The following FAAH2 variants were observed in gnomAD, a reference collection of about 807,000 sequenced individuals.
FAAH2 encodes fatty-acid amide hydrolase 2.
Under a neutral mutation model 36.9 loss-of-function variants are expected in FAAH2, and 60 were observed. The observed-to-expected ratio is 1.63, with a 90% CI of 1.32 to 2.02. The LOEUF (loss-of-function observed/expected upper bound fraction) is 2.02, where lower values mean the gene tolerates loss of function less well. Ranked by LOEUF, FAAH2 falls within the 30% of genes most tolerant of loss-of-function variation. The pLI, the probability that FAAH2 is intolerant of heterozygous loss-of-function variation, is 0.00. For synonymous variants in FAAH2, 214 were observed against 143.8 expected (o/e 1.49, Z -3.49); for missense variants, 689 against 397.5 (o/e 1.73, Z -6.23).
At chrX:57,289,518 G>A (rs1209579640) in intron 1 of FAAH2, among the ~76,000 whole-genome samples, 1 of 110,866 alleles carries the variant, frequency 9.0e-6, no homozygotes, top group Non-Finnish European at 1.9e-5. Context: ...TTTTGAAACC[G>A]TAAGTCCCAC....
chrX:57,232,592 T>C, the FAAH2 span, among the ~76,000 whole-genome samples: 1 of 112,485 alleles, frequency 8.9e-6, no homozygotes, highest in South Asian at 3.7e-4. Context: ...TTATGATGTT[T>C]CCAGTTATTT....
At chrX:57,269,306 G>A in the FAAH2 span, among the ~76,000 whole-genome samples, 2 of 111,281 alleles carry the variant, frequency 1.8e-5, no homozygotes, top group Non-Finnish European at 3.8e-5. Flanking sequence ...GACAATATTA[G>A]ACAGATTATT....
chrX:57,194,238 G>A, the FAAH2 span, among the ~76,000 whole-genome samples: 9 of 111,132 alleles, frequency 8.1e-5, no homozygotes, highest in African/African-American at 9.8e-5. Flanking sequence ...GATTTATTCC[G>A]GGTTCAATCT....
chrX:57,154,582 C>G, the FAAH2 span, among the ~76,000 whole-genome samples: 2 of 110,303 alleles, frequency 1.8e-5, no homozygotes, highest in African/African-American at 6.6e-5. Flanking sequence ...CTTGTTGTAT[C>G]TTTTTATTTT....
chrX:57,420,755 A>T (rs1206200437), intron 7 of FAAH2, among the ~76,000 whole-genome samples: 1 of 107,715 alleles, frequency 9.3e-6, no homozygotes, highest in Non-Finnish European at 1.9e-5. Context: ...TTCCAACACT[A>T]TGTTGAATAG....
intron 2 of FAAH2, among the ~76,000 whole-genome samples, chrX:57,307,604 CAA>C (rs2052577759): frequency 9.0e-6 from 1 of 111,152 alleles, no homozygotes; most frequent in East Asian, 2.8e-4. Flanking sequence ...AAAATACTTT[CAA>C]CATATTGCAT....
intron 8 of FAAH2, among the ~76,000 whole-genome samples, chrX:57,437,352 C>T (rs900243431): frequency 9.1e-6 from 1 of 110,415 alleles, no homozygotes; most frequent in South Asian, 3.8e-4. Context: ...CACTCCTATT[C>T]AACACAGTAC....
rs747426561 is a variant in FAAH2 at position 57,331,666 on chromosome X, G to A, written c.481G>A (p.Ala161Thr). 114 of 1,209,884 alleles carry A rather than the reference G, an allele frequency of 9.4e-5. No homozygotes were observed. In the East Asian group the frequency reaches 1.4e-3, roughly 15 times the overall value. ...TGCCAAAACAGATGCCACTGTGGTG[G>A]CATTACTGAAGGGAGCTGGTGCCAT... ...AIAKTDATVV[A>T]LLKGAGAIPL... Residue 161 changes from alanine to threonine, a missense_variant, in exon 4 of 11, where the codon GCA (alanine) becomes ACA (threonine). Ala to Thr is a moderately conservative substitution (Grantham distance 58, BLOSUM62 0). Transcript: ENST00000374900.
chrX:57,310,497 T>C, intron 2 of FAAH2, 96 bp from the exon 3 acceptor site: 21 of 926,323 alleles, frequency 2.3e-5, no homozygotes, highest in Admixed American at 3.6e-5. Flanking sequence ...TTTAATATGT[T>C]GATTACATAT....
At chrX:57,365,946 C>A (rs1033493002) in intron 5 of FAAH2, among the ~76,000 whole-genome samples, 3 of 111,810 alleles carry the variant, frequency 2.7e-5, no homozygotes, top group African/African-American at 6.5e-5. Context: ...AACTCTTGAA[C>A]TATTTTATTG....
At chrX:57,131,970 T>C in the FAAH2 span, among the ~76,000 whole-genome samples, 1 of 112,071 alleles carries the variant, frequency 8.9e-6, no homozygotes, top group African/African-American at 3.2e-5. Context: ...GTGAGTGTGA[T>C]CCCATCACTG....
the FAAH2 span, among the ~76,000 whole-genome samples, chrX:57,164,534 A>C: frequency 1.8e-5 from 2 of 112,196 alleles, no homozygotes; most frequent in Non-Finnish European, 3.8e-5. Flanking sequence ...AAAATTGTGA[A>C]TATGAAATGA....
intron 7 of FAAH2, among the ~76,000 whole-genome samples, chrX:57,388,990 C>G (rs1453915202): frequency 9.2e-6 from 1 of 109,224 alleles, no homozygotes; most frequent in Non-Finnish European, 1.9e-5. Flanking sequence ...CCATTTTTTA[C>G]CTATTTACCT....
intron 7 of FAAH2, among the ~76,000 whole-genome samples, chrX:57,416,724 G>A (rs1011848722): frequency 5.5e-4 from 61 of 111,335 alleles, no homozygotes; most frequent in African/African-American, 2.0e-3. Flanking sequence ...CTCTTTTTGA[G>A]GAGTATCTTT....
chrX:57,484,567 C>A (rs1430585801), intron 10 of FAAH2, among the ~76,000 whole-genome samples: 1 of 112,008 alleles, frequency 8.9e-6, no homozygotes, highest in Admixed American at 9.5e-5. Context: ...GCCTCTCTTG[C>A]AACTCTCCAT....
chrX:57,357,761 T>G (rs1333981567), intron 5 of FAAH2, among the ~76,000 whole-genome samples: 1 of 111,757 alleles, frequency 8.9e-6, no homozygotes, highest in Non-Finnish European at 1.9e-5. Flanking sequence ...GTTCAACCAT[T>G]GTGAAGACAG....
At chrX:57,343,233 C>T (rs761961058) in intron 5 of FAAH2, among the ~76,000 whole-genome samples, 17 of 112,095 alleles carry the variant, frequency 1.5e-4, no homozygotes, top group South Asian at 1.1e-3. Flanking sequence ...TACATTCTTA[C>T]CAACAGTATA....
intron 3 of FAAH2, among the ~76,000 whole-genome samples, chrX:57,329,132 T>A (rs1361094238): frequency 8.9e-6 from 1 of 112,343 alleles, no homozygotes; most frequent in Non-Finnish European, 1.9e-5. Flanking sequence ...TGCTAGCAGG[T>A]ACCAGGGTGC....
At chrX:57,200,594 G>A in the FAAH2 span, among the ~76,000 whole-genome samples, 37,091 of 109,901 alleles carry the variant, frequency 0.34, 5,192 homozygotes, top group Middle Eastern at 0.61. Context: ...GGCCAGGATG[G>A]TCTTGATCTC....
Sources: allele counts gnomAD v4.1 joint callset (sites outside exome capture counted in the v4.1 genomes callset), GRCh38; gene constraint gnomAD v4.1.1; transcripts MANE v1.5; gene names NCBI Gene and HGNC (gene_info 2026-07-23, HGNC 2026-07-21).